RNF19A: variants seen among roughly 807,000 people sequenced by gnomAD.
The protein encoded by RNF19A is E3 ubiquitin-protein ligase RNF19A.
RNF19A carries 32 observed loss-of-function variants against 75.7 expected under a neutral mutation model. The ratio of observed to expected loss-of-function variants is 0.42; its 90% confidence interval spans 0.32 to 0.57. The LOEUF (loss-of-function observed/expected upper bound fraction) is 0.57, where lower values mean the gene tolerates loss of function less well. Among genes scored for constraint, RNF19A ranks in the 20% least tolerant of loss-of-function variants. The pLI, the probability that RNF19A is intolerant of heterozygous loss-of-function variation, is 0.10. For synonymous variants in RNF19A, 335 were observed against 345.2 expected (o/e 0.97, Z 0.33); for missense variants, 782 against 1,036.3 (o/e 0.75, Z 3.37).
upstream of RNF19A, chr8:100,310,103 T>G (rs1454166622): frequency 2.0e-6 from 2 of 984,344 alleles, no homozygotes; most frequent in Middle Eastern, 5.2e-4. Context: ...AACTACCACC[T>G]CCCCCTCCCG....
rs1822475960 is a variant in RNF19A at position 100,322,356 on chromosome 8, A to G, written c.-242-8984T>C. 6.6e-6 allele frequency among the ~76,000 whole-genome samples: 1 copy of G among 152,220 alleles called. No homozygotes were observed. The highest frequency in any genetic ancestry group is 2.4e-5 in the African/African-American group (1 of 41,456). Reference sequence around the variant, plus strand: ...GGCACAAAACAAACTCTTTCCTTATACCTCATGATCCAACCTCTGCTAGCT... The same window carrying G: ...GGCACAAAACAAACTCTTTCCTTATGCCTCATGATCCAACCTCTGCTAGCT... On this transcript the variant is annotated intron_variant, in intron 1 of 3. Coordinates refer to the RNF19A transcript ENST00000519527. The surrounding 1 kb of genome is among the most constrained non-coding windows in gnomAD (Gnocchi z 5.1).
chr8:100,325,623 A>G lies in RNF19A; in HGVS notation c.-243+10485T>C, dbSNP rs1443481894. Among the ~76,000 whole-genome samples, 4 of 152,160 alleles carry G rather than the reference A, an allele frequency of 2.6e-5. No homozygotes were observed. The highest frequency in any genetic ancestry group is 2.1e-4 in the South Asian group (1 of 4,830). On this transcript the variant is annotated intron_variant, in intron 1 of 3. Transcript: ENST00000519527. The surrounding 1 kb of genome is among the most constrained non-coding windows in gnomAD (Gnocchi z 4.3). The stretch of plus-strand genomic sequence containing the variant: ...TCCTCAAGCCCAGCCTATATTTGCC[A>G]TATCTTGGCCCCATCCCACAGTAGG...
chr8:100,263,905 T>C (rs1819844178), intron 7 of RNF19A, 129 bp downstream of exon 7: 2 of 705,760 alleles, frequency 2.8e-6, no homozygotes, highest in Non-Finnish European at 4.6e-6. Context: ...ACTTATGTAC[T>C]TCTGAATGAA....
intron 2 of RNF19A, among the ~76,000 whole-genome samples, chr8:100,282,548 AT>A (rs1251828376): frequency 6.6e-6 from 1 of 152,188 alleles, no homozygotes; most frequent in Non-Finnish European, 1.5e-5. Flanking sequence ...AACACATACA[AT>A]TTATCACTAG....
intron 1 of RNF19A, among the ~76,000 whole-genome samples, chr8:100,308,959 G>A (rs1168532478): frequency 6.6e-6 from 1 of 152,044 alleles, no homozygotes; most frequent in Non-Finnish European, 1.5e-5. Context: ...AAAATTAAAC[G>A]TTTCTCTCTC....
Position 100,330,512 on chromosome 8 carries a change from G to C in RNF19A, c.-243+5596C>G, listed in dbSNP as rs992701453. On this transcript the variant is annotated intron_variant, in intron 1 of 3. Coordinates refer to the RNF19A transcript ENST00000519527. This position sits in a 1 kb window ranked among gnomAD's most constrained non-coding sequence, Gnocchi z 4.1. ...ATTTTTACTGGAACTATTAGGAACT[G>C]TTGGGGACACTTATGTGTTAATTGC... Among the ~76,000 whole-genome samples, 3 of 152,222 alleles carry C rather than the reference G, an allele frequency of 2.0e-5. No individual in the cohort carries two copies. The highest frequency in any genetic ancestry group is 7.2e-5 in the African/African-American group (3 of 41,444).
intron 1 of RNF19A, among the ~76,000 whole-genome samples, chr8:100,299,410 T>C (rs1005565963): frequency 6.6e-6 from 1 of 152,256 alleles, no homozygotes; most frequent in Non-Finnish European, 1.5e-5. Flanking sequence ...AGTGTCAAAG[T>C]GAATTTTACC....
intron 5 of RNF19A, among the ~76,000 whole-genome samples, chr8:100,268,260 C>T (rs1018621177): frequency 2.0e-5 from 3 of 151,858 alleles, no homozygotes; most frequent in Admixed American, 6.6e-5. Flanking sequence ...TATAATTCAT[C>T]AATTAGAGGC....
rs1819701154 is a variant in RNF19A at position 100,261,281 on chromosome 8, A to C, written c.1682+261T>G. Among the ~76,000 whole-genome samples, 1 of 151,988 alleles carries C rather than the reference A, an allele frequency of 6.6e-6. No individual in the cohort carries two copies. Among genetic ancestry groups the C allele is most frequent in the African/African-American group, 2.4e-5 (1 of 41,356 alleles). ...GGCTAATTTTTTATATTTTTTTAGT[A>C]GAGATGGGGTTTCGCCATGTTGCCC... is the stretch of plus-strand genomic sequence containing the variant. On this transcript the variant is annotated intron_variant, in intron 8 of 9. Transcript: ENST00000341084. The surrounding 1 kb of genome is among the most constrained non-coding windows in gnomAD (Gnocchi z 4.4).
chr8:100,326,226 C>T (rs1822531828), intron 1 of RNF19A, among the ~76,000 whole-genome samples: 1 of 152,088 alleles, frequency 6.6e-6, no homozygotes, highest in Non-Finnish European at 1.5e-5. Context: ...CATCTGCTTG[C>T]TTTTTCTGTT....
chr8:100,320,821 T>C (rs1660316), intron 1 of RNF19A, among the ~76,000 whole-genome samples: 49,215 of 152,094 alleles, frequency 0.32, 8,638 homozygotes, highest in East Asian at 0.41. Flanking sequence ...CAAAATAAAA[T>C]AAATATTGCA....
At chr8:100,279,039 T>C (rs1820656191) in intron 2 of RNF19A, among the ~76,000 whole-genome samples, 1 of 152,192 alleles carries the variant, frequency 6.6e-6, no homozygotes, top group South Asian at 2.1e-4. Context: ...CATAAATTGC[T>C]TTCAGATGAT....
At chr8:100,262,164 T>C (rs16898115) in intron 7 of RNF19A, among the ~76,000 whole-genome samples, 8,978 of 152,198 alleles carry the variant, frequency 0.059, 881 homozygotes, top group African/African-American at 0.2. Flanking sequence ...TAACACTATG[T>C]TCCAATTTTA....
At chr8:100,318,419 A>T (rs1345112966) in intron 1 of RNF19A, among the ~76,000 whole-genome samples, 1 of 152,200 alleles carries the variant, frequency 6.6e-6, no homozygotes, top group Non-Finnish European at 1.5e-5. Flanking sequence ...GCTATATTTT[A>T]TGTATATTTG....
chr8:100,294,488 A>G (rs1821455453), intron 1 of RNF19A, among the ~76,000 whole-genome samples: 1 of 152,160 alleles, frequency 6.6e-6, no homozygotes, highest in Admixed American at 6.5e-5. Context: ...GGACATCTAG[A>G]TATCTGAAGG....
chr8:100,263,931 TA>T, intron 7 of RNF19A, 102 bp downstream of exon 7: 1 of 958,866 alleles, frequency 1.0e-6, no homozygotes, highest in Non-Finnish European at 1.6e-6. Flanking sequence ...TTAGGCCTAG[TA>T]AAAGGATGGC....
chr8:100,310,238 T>C (rs908296642), upstream of RNF19A: 5 of 984,980 alleles, frequency 5.1e-6, no homozygotes, highest in African/African-American at 3.5e-5. Context: ...TGCGGGCGGC[T>C]CTGGACGCGG....
At chr8:100,293,819 C>G (rs1821419802) in intron 1 of RNF19A, among the ~76,000 whole-genome samples, 1 of 152,288 alleles carries the variant, frequency 6.6e-6, no homozygotes, top group East Asian at 1.9e-4. Flanking sequence ...AGTAGACTGG[C>G]AAATTTCTAT....
At chr8:100,311,430 A>G (rs902007964), upstream of RNF19A, among the ~76,000 whole-genome samples, 1 of 152,128 alleles carries the variant, frequency 6.6e-6, no homozygotes, top group South Asian at 2.1e-4. Context: ...AAATATATCA[A>G]TATGTTGGCC....
Sources: gnomAD v4.1 joint callset for allele counts (sites outside exome capture counted in the v4.1 genomes callset) on GRCh38, gnomAD v4.1.1 for gene constraint, Gnocchi (gnomAD v3.1) non-coding constraint, MANE v1.5 for transcripts, NCBI Gene and HGNC (gene_info 2026-07-23, HGNC 2026-07-21) for gene names.